The following RUNDC3B variants were observed in gnomAD, a reference collection of about 807,000 sequenced individuals.
RUNDC3B encodes RUN domain containing 3B, also known as RUN domain-containing protein 3B.
RUNDC3B carries 33 observed loss-of-function variants against 58.4 expected under a neutral mutation model. That is an observed-to-expected ratio of 0.56 (90% CI 0.43 to 0.75). RUNDC3B has a LOEUF of 0.75. RUNDC3B is among the 30% of genes least tolerant of loss of function. The probability of loss-of-function intolerance (pLI) is 0.00; values close to 1 mark genes in which losing one functional copy is unlikely to be tolerated. For synonymous variants in RUNDC3B, 193 were observed against 195.2 expected (o/e 0.99, Z 0.10); for missense variants, 501 against 535.7 (o/e 0.94, Z 0.64).
At chr7:87,689,177 A>G (rs560912961) in intron 2 of RUNDC3B, among the ~76,000 whole-genome samples, 2 of 152,170 alleles carry the variant, frequency 1.3e-5, no homozygotes, top group East Asian at 3.9e-4. Flanking sequence ...ATTATCTGAG[A>G]TTTTTTTGAA....
chr7:87,820,956 A>G (rs1837388493), intron 10 of RUNDC3B, among the ~76,000 whole-genome samples: 1 of 151,520 alleles, frequency 6.6e-6, no homozygotes, highest in Non-Finnish European at 1.5e-5. Flanking sequence ...AAAAACTGGA[A>G]GCATTCCCTT....
intron 2 of RUNDC3B, among the ~76,000 whole-genome samples, chr7:87,673,365 A>G (rs1001092419): frequency 1.3e-5 from 2 of 152,114 alleles, no homozygotes; most frequent in African/African-American, 4.8e-5. Context: ...AATGAATCAC[A>G]TATTTTGTCT....
intron 1 of RUNDC3B, among the ~76,000 whole-genome samples, chr7:87,637,344 A>C (rs1821883149): frequency 6.6e-6 from 1 of 152,102 alleles, no homozygotes; most frequent in African/African-American, 2.4e-5. Context: ...TTATGTCTTG[A>C]TGTGTGGTAA....
chr7:87,633,941 T>A (rs1262706783), intron 1 of RUNDC3B, among the ~76,000 whole-genome samples: 1 of 152,212 alleles, frequency 6.6e-6, no homozygotes, highest in Non-Finnish European at 1.5e-5. Flanking sequence ...CTGTAGGTTG[T>A]ACAAAAACCG....
chr7:87,690,100 G>C (rs932064646), intron 2 of RUNDC3B, among the ~76,000 whole-genome samples: 1 of 151,980 alleles, frequency 6.6e-6, no homozygotes, highest in African/African-American at 2.4e-5. Flanking sequence ...AAAGGGCCGG[G>C]AATACAGGTG....
rs186415045 is a variant in RUNDC3B, at chr7:87,823,038, T to C, written c.1225+6776T>C. ...ATGTACCCTAAAACTTAAAGTATAA[T>C]AATAATAAAATAAAATTAAAAAAAA... On this transcript the variant is annotated intron_variant, in intron 10 of 10. Transcript: ENST00000394654. 4.3e-3 allele frequency among the ~76,000 whole-genome samples: 654 copies of C among 152,024 alleles called. 3 individuals carry two copies. Among genetic ancestry groups the C allele is most frequent in the Admixed American group, 7.9e-3 (120 of 15,276 alleles).
chr7:87,706,415 T>C (rs1829590050), intron 3 of RUNDC3B, among the ~76,000 whole-genome samples: 1 of 152,094 alleles, frequency 6.6e-6, no homozygotes, highest in Non-Finnish European at 1.5e-5. Context: ...GTAATTGGAA[T>C]CTAAAACAGA....
At chr7:87,728,421 A>C (rs140622466) in intron 4 of RUNDC3B, among the ~76,000 whole-genome samples, 43 of 152,332 alleles carry the variant, frequency 2.8e-4, no homozygotes, top group Non-Finnish European at 5.4e-4. Context: ...GCTTAAAAAC[A>C]ATACCAATTA....
intron 6 of RUNDC3B, among the ~76,000 whole-genome samples, chr7:87,742,842 A>C (rs1483358115): frequency 6.6e-6 from 1 of 152,124 alleles, no homozygotes; most frequent in Non-Finnish European, 1.5e-5. Flanking sequence ...GGCCGGGCAC[A>C]GTGGCTCACA....
chr7:87,663,579 T>C (rs1824930185), intron 2 of RUNDC3B, among the ~76,000 whole-genome samples: 1 of 152,178 alleles, frequency 6.6e-6, no homozygotes, highest in Non-Finnish European at 1.5e-5. Flanking sequence ...TCTTTAATCT[T>C]TTAAAATACT....
chr7:87,688,855 A>T (rs191182216), intron 2 of RUNDC3B, among the ~76,000 whole-genome samples: 1 of 151,942 alleles, frequency 6.6e-6, no homozygotes, highest in Non-Finnish European at 1.5e-5. Context: ...ACAAAATCTT[A>T]TGTATTTGTA....
chr7:87,632,503 ATAG>A (rs554483441), intron 1 of RUNDC3B, among the ~76,000 whole-genome samples: 5 of 152,142 alleles, frequency 3.3e-5, no homozygotes, highest in Admixed American at 6.6e-5. Context: ...TGGTGAAGAG[ATAG>A]TAGGTCATTT....
At chr7:87,804,165 A>T (rs1304262345) in intron 8 of RUNDC3B, among the ~76,000 whole-genome samples, 1 of 152,200 alleles carries the variant, frequency 6.6e-6, no homozygotes. Context: ...AAACCAAAAG[A>T]ACCTTGGAAG....
At chr7:87,720,542 ATGTGTGTG>A (rs3028189) in intron 4 of RUNDC3B, among the ~76,000 whole-genome samples, 29 of 145,260 alleles carry the variant, frequency 2.0e-4, no homozygotes, top group Middle Eastern at 3.4e-3. Context: ...GATAGGATAT[ATGTGTGTG>A]TGTGTGTGTG....
intron 9 of RUNDC3B, among the ~76,000 whole-genome samples, chr7:87,812,117 TATAAA>T (rs1182226053): frequency 1.3e-5 from 2 of 152,236 alleles, no homozygotes; most frequent in Non-Finnish European, 2.9e-5. Context: ...TGATTATTGA[TATAAA>T]ATATAAGATT....
chr7:87,699,660 C>T lies in RUNDC3B; in HGVS notation c.239-761C>T, dbSNP rs143830257. The stretch of plus-strand genomic sequence containing the variant: ...GCCTCAGGTGATCCACCCACCTTGG[C>T]CTTCCAAAGTGCTGAGATTACAAGC... On this transcript the variant is annotated intron_variant, in intron 2 of 10. Coordinates refer to ENST00000394654, the MANE Select transcript of RUNDC3B (RefSeq NM_001134405.2). Among the ~76,000 whole-genome samples, 16 of 152,322 alleles carry T rather than the reference C, an allele frequency of 1.1e-4. No individual in the cohort carries two copies. In the East Asian group the frequency reaches 3.1e-3, roughly 29 times the overall value.
chr7:87,804,005 C>T (rs1836306191), intron 8 of RUNDC3B, among the ~76,000 whole-genome samples: 1 of 151,792 alleles, frequency 6.6e-6, no homozygotes, highest in Non-Finnish European at 1.5e-5. Context: ...GCTACCGTTC[C>T]CAAGTAGCTT....
At chr7:87,681,037 G>A (rs914134120) in intron 2 of RUNDC3B, among the ~76,000 whole-genome samples, 11 of 150,524 alleles carry the variant, frequency 7.3e-5, no homozygotes. Context: ...AGGAATGAAA[G>A]AGGGCATATG....
intron 6 of RUNDC3B, among the ~76,000 whole-genome samples, chr7:87,763,693 T>G (rs1443812833): frequency 6.6e-6 from 1 of 151,778 alleles, no homozygotes; most frequent in Non-Finnish European, 1.5e-5. Context: ...TTTAAAGTTC[T>G]GTTTGGCTGT....
Sources: allele counts gnomAD v4.1 joint callset (sites outside exome capture counted in the v4.1 genomes callset), GRCh38; gene constraint gnomAD v4.1.1; transcripts MANE v1.5; gene names NCBI Gene and HGNC (gene_info 2026-07-23, HGNC 2026-07-21).